Variants in TNIK observed in about 807,000 individuals in gnomAD.
TNIK encodes TRAF2 and NCK-interacting protein kinase.
Under a neutral mutation model 191.3 loss-of-function variants are expected in TNIK, and 49 were observed. That is an observed-to-expected ratio of 0.26 (90% CI 0.20 to 0.32). TNIK has a LOEUF of 0.32. TNIK is among the 10% of genes least tolerant of loss of function. TNIK has a pLI of 1.00. For missense variants in TNIK, 1,155 were observed against 1,702.3 expected (o/e 0.68, Z 5.66); for synonymous variants, 594 against 600.9 (o/e 0.99, Z 0.17).
chr3:171,123,553 G>A (rs926734214), intron 18 of TNIK, 43 bp downstream of exon 18: 2 of 1,446,866 alleles, frequency 1.4e-6, no homozygotes, highest in African/African-American at 2.9e-5. Flanking sequence ...GACAATGGTG[G>A]GTAGGAGTTT....
intron 2 of TNIK, among the ~76,000 whole-genome samples, chr3:171,296,067 T>A (rs1297609254): frequency 1.3e-5 from 2 of 152,196 alleles, no homozygotes; most frequent in African/African-American, 4.8e-5. Context: ...TGTAGAACAG[T>A]ATGTGTCAAA....
At chr3:171,185,003 C>T (rs916952859) in intron 7 of TNIK, among the ~76,000 whole-genome samples, 2 of 152,116 alleles carry the variant, frequency 1.3e-5, no homozygotes, top group African/African-American at 2.4e-5. Context: ...AGGGGGTAAG[C>T]CATTTCACTG....
chr3:171,093,828 T>C lies in TNIK; in HGVS notation c.2721+11A>G. ...TGGCATTTCCTCTACACAGTTTTTA[T>C]ACCAACTTACCTCTCTAATCATCAA... is the stretch of plus-strand genomic sequence containing the variant. On this transcript the variant is annotated intron_variant, in intron 23 of 32. Coordinates refer to ENST00000436636, the MANE Select transcript of TNIK (RefSeq NM_015028.4). 4.3e-6 allele frequency: 7 copies of C among 1,612,978 alleles called. No individual in the cohort carries two copies. Among genetic ancestry groups the C allele is most frequent in the Non-Finnish European group, 5.9e-6 (7 of 1,179,310 alleles).
intron 28 of TNIK, among the ~76,000 whole-genome samples, chr3:171,071,615 A>G (rs893984309): frequency 6.6e-6 from 1 of 152,190 alleles, no homozygotes; most frequent in African/African-American, 2.4e-5. Flanking sequence ...TGATGTTGAT[A>G]TTCATTGTAA....
At chr3:171,209,202 A>G (rs866198044) in intron 4 of TNIK, among the ~76,000 whole-genome samples, 6 of 152,070 alleles carry the variant, frequency 3.9e-5, no homozygotes, top group Middle Eastern at 3.4e-3. Flanking sequence ...ACAGCCTACT[A>G]GGCAAGAAAT....
intron 23 of TNIK, 106 bp downstream of exon 23, chr3:171,093,733 T>C: frequency 1.4e-6 from 2 of 1,431,654 alleles, no homozygotes. Flanking sequence ...CCCCCAAGAA[T>C]TCCCCATACT....
chr3:171,441,886 G>C (rs1392467507), intron 1 of TNIK, among the ~76,000 whole-genome samples: 1 of 152,192 alleles, frequency 6.6e-6, no homozygotes, highest in Non-Finnish European at 1.5e-5. Flanking sequence ...AGTCTGTGAA[G>C]TGCAGAGTTC....
chr3:171,157,210 G>A (rs1487825291), intron 12 of TNIK, among the ~76,000 whole-genome samples: 1 of 152,224 alleles, frequency 6.6e-6, no homozygotes, highest in Non-Finnish European at 1.5e-5. Flanking sequence ...TGCTGAGAAG[G>A]TGATATATGG....
chr3:171,311,750 G>A (rs935208311), intron 2 of TNIK, among the ~76,000 whole-genome samples: 6 of 152,146 alleles, frequency 3.9e-5, no homozygotes, highest in African/African-American at 1.2e-4. Context: ...AGTTATGTGA[G>A]TGGAAGAATA....
chr3:171,108,236 T>C, intron 19 of TNIK, 74 bp from the exon 20 acceptor site: 1 of 1,187,630 alleles, frequency 8.4e-7, no homozygotes, highest in South Asian at 1.7e-5. Context: ...GAATGAATTA[T>C]CTGTGATGTG....
intron 1 of TNIK, among the ~76,000 whole-genome samples, chr3:171,456,688 G>T (rs557612606): frequency 6.6e-6 from 1 of 152,270 alleles, no homozygotes; most frequent in Non-Finnish European, 1.5e-5. Flanking sequence ...TCCAAAGGTG[G>T]CCTAGAGCTC....
chr3:171,393,700 C>G (rs74999217), intron 1 of TNIK, among the ~76,000 whole-genome samples: 1,591 of 152,294 alleles, frequency 0.01, 27 homozygotes, highest in African/African-American at 0.035. Flanking sequence ...GAAGGACAAG[C>G]CTTCAAGGAA....
At chr3:171,183,124 G>A (rs770097251) in intron 7 of TNIK, among the ~76,000 whole-genome samples, 2 of 152,202 alleles carry the variant, frequency 1.3e-5, no homozygotes, top group Non-Finnish European at 2.9e-5. Context: ...CTGGTACTCA[G>A]TGGTGGTCAA....
At chr3:171,170,924 C>T (rs1455812561) in intron 9 of TNIK, among the ~76,000 whole-genome samples, 1 of 152,092 alleles carries the variant, frequency 6.6e-6, no homozygotes, top group African/African-American at 2.4e-5. Flanking sequence ...TGGTGGCATG[C>T]ACCTGTAGTT....
chr3:171,201,007 G>A (rs1013011639), intron 4 of TNIK, among the ~76,000 whole-genome samples: 1 of 152,196 alleles, frequency 6.6e-6, no homozygotes, highest in African/African-American at 2.4e-5. Flanking sequence ...GGTAAAAGGA[G>A]GGGTTGGAGG....
At chr3:171,272,368 C>T (rs1269155421) in intron 2 of TNIK, among the ~76,000 whole-genome samples, 1 of 152,202 alleles carries the variant, frequency 6.6e-6, no homozygotes, top group African/African-American at 2.4e-5. Context: ...GAAATGTTCA[C>T]ATTTAAATTA....
rs1023565151 is a variant in TNIK, at chr3:171,401,306, GCTC to G, written c.58-31624_58-31622del. Among the ~76,000 whole-genome samples, 247 of 152,090 alleles carry G rather than the reference GCTC, an allele frequency of 1.6e-3. 1 individual carries two copies. The highest frequency in any genetic ancestry group is 5.9e-3 in the African/African-American group (245 of 41,484). ...AATTTTACAGCCAACACAGGCTTGG[GCTC>G]CTCCTCCTCCTCACCTCACCAGCAG... On this transcript the variant is annotated intron_variant, in intron 1 of 32. Coordinates refer to ENST00000436636, the MANE Select transcript of TNIK (RefSeq NM_015028.4).
At chr3:171,397,606 TG>T (rs747464543) in intron 1 of TNIK, among the ~76,000 whole-genome samples, 1 of 152,208 alleles carries the variant, frequency 6.6e-6, no homozygotes, top group Non-Finnish European at 1.5e-5. Flanking sequence ...AACACCTCTT[TG>T]TATTGACAAT....
In TNIK at chr3:171,202,464, T is replaced by C. The variant is rs111699687; in HGVS notation, c.307-7829A>G. ...TTGCTGAAGATTTTGAGAAACACAA[T>C]ATAAATAGGAACATAGACTTTGGCT... On this transcript the variant is annotated intron_variant, in intron 4 of 32. Transcript: ENST00000436636. Among the ~76,000 whole-genome samples the C allele has an allele frequency of 5.2e-3, 795 of 152,206 alleles. 6 individuals are homozygous for C. Among genetic ancestry groups the C allele is most frequent in the Admixed American group, 0.012 (189 of 15,290 alleles).
Sources: allele counts gnomAD v4.1 joint callset (sites outside exome capture counted in the v4.1 genomes callset), GRCh38; gene constraint gnomAD v4.1.1; transcripts MANE v1.5; gene names NCBI Gene and HGNC (gene_info 2026-07-23, HGNC 2026-07-21).